The following LYZL1 variants were observed in gnomAD, a reference collection of about 807,000 sequenced individuals.
LYZL1 encodes lysozyme-like protein 1.
Under a neutral mutation model 17.9 loss-of-function variants are expected in LYZL1, and 16 were observed. The observed-to-expected ratio is 0.90, with a 90% CI of 0.61 to 1.36. The LOEUF is 1.36. Among genes scored for constraint, LYZL1 ranks in the 40% most tolerant of loss-of-function variants. The pLI, the probability that LYZL1 is intolerant of heterozygous loss-of-function variation, is 0.00. For synonymous variants in LYZL1, 58 were observed against 71.8 expected, an observed-to-expected ratio of 0.81 and a Z score of 0.97; for missense variants, 149 against 188.4, an observed-to-expected ratio of 0.79 and a Z score of 1.22.
downstream of LYZL1, among the ~76,000 whole-genome samples, chr10:29,311,849 G>A (rs1383233681): frequency 2.0e-5 from 3 of 151,938 alleles, no homozygotes; most frequent in South Asian, 2.1e-4. Context: ...GTGGTGGTGC[G>A]TGCCTGTAAT....
At chr10:29,293,360 T>C (rs1457347665) in intron 3 of LYZL1, among the ~76,000 whole-genome samples, 1 of 152,112 alleles carries the variant, frequency 6.6e-6, no homozygotes, top group African/African-American at 2.4e-5. Flanking sequence ...GGTCTTGAAC[T>C]CCTGGCCTAA....
At chr10:29,307,859 T>C (rs1017751658) in intron 3 of LYZL1, among the ~76,000 whole-genome samples, 1 of 152,104 alleles carries the variant, frequency 6.6e-6, no homozygotes, top group Non-Finnish European at 1.5e-5. Context: ...AATTATTAGG[T>C]GAAAGGATAA....
Position 29,311,078 on chromosome 10 carries a change from A to T in LYZL1, c.*19A>T. 6.2e-7 allele frequency: 1 copy of T among 1,614,212 alleles called. No homozygotes were observed. ...TTCCTAAACTGGAACTGGACCCAGG[A>T]TGCTTTGCAGCAACGCCCTAGGATT... On this transcript the variant is annotated 3_prime_UTR_variant, in exon 5 of 5. Coordinates refer to ENST00000649382, the MANE Select transcript of LYZL1 (RefSeq NM_032517.6).
intron 1 of LYZL1, 135 bp from the exon 2 acceptor site, chr10:29,291,708 C>T (rs2479064): frequency 0.14 from 143,250 of 1,003,720 alleles, 11,823 homozygotes; most frequent in African/African-American, 0.21. Flanking sequence ...GTAGAGTGGC[C>T]GGTTTTCCCT....
At chr10:29,316,689 T>G (rs949369729) in intron 3 of LYZL1, among the ~76,000 whole-genome samples, 1 of 150,612 alleles carries the variant, frequency 6.6e-6, no homozygotes, top group Non-Finnish European at 1.5e-5. Context: ...TTTTTTTTTC[T>G]TTTTCTTTTT....
chr10:29,295,096 G>A (rs1211979517), intron 3 of LYZL1, among the ~76,000 whole-genome samples: 2 of 152,184 alleles, frequency 1.3e-5, no homozygotes, highest in African/African-American at 4.8e-5. Flanking sequence ...ATGTTTGAAT[G>A]ACTGAATAAT....
At chr10:29,293,127 C>CTTTTTTTTTTTTT (rs778807136) in intron 3 of LYZL1, among the ~76,000 whole-genome samples, 33 of 104,190 alleles carry the variant, frequency 3.2e-4, no homozygotes, top group African/African-American at 7.0e-4. Flanking sequence ...CTTTTCTTTT[C>CTTTTTTTTTTTTT]TTTTTTCTTT....
At chr10:29,317,335 G>C (rs1005126140) in exon 4 of LYZL1, 4 of 152,186 alleles carry the variant, frequency 2.6e-5, no homozygotes, top group African/African-American at 7.2e-5. Context: ...GTTCTTCATG[G>C]AGGTCATCTT....
chr10:29,302,515 C>A (rs1206471917), intron 3 of LYZL1, among the ~76,000 whole-genome samples: 1 of 152,162 alleles, frequency 6.6e-6, no homozygotes, highest in Non-Finnish European at 1.5e-5. Context: ...CCTCTTCGTG[C>A]ATTTGCGCAG....
intron 3 of LYZL1, among the ~76,000 whole-genome samples, chr10:29,295,158 T>C (rs1835431350): frequency 2.0e-5 from 3 of 152,230 alleles, no homozygotes; most frequent in Admixed American, 2.0e-4. Flanking sequence ...TAAAGAATGA[T>C]CACTACCTCC....
rs1356230327 is a variant in LYZL1, at chr10:29,306,330, C to G, written c.299-3780C>G. On this transcript the variant is annotated intron_variant, in intron 3 of 4. Transcript: ENST00000649382. ...CTTTGGGAGGCCGAGGCGGGCGGAT[C>G]ACGAGGTCAGGAGATCGAGACCATC... Among the ~76,000 whole-genome samples the G allele has an allele frequency of 3.2e-4, 48 of 150,242 alleles. 1 individual carries two copies. Among genetic ancestry groups the G allele is most frequent in the African/African-American group, 1.1e-3 (47 of 40,920 alleles).
At chr10:29,306,267 T>TAAAGTTTTAATTATGTTTAATGTTGA (rs1564392916) in intron 3 of LYZL1, among the ~76,000 whole-genome samples, 1 of 151,340 alleles carries the variant, frequency 6.6e-6, no homozygotes, top group Non-Finnish European at 1.5e-5. Context: ...AATAAGGAAC[T>TAAAGTTTTAATTATGTTTAATGTTGA]TGGCCGGGCG....
intron 1 of LYZL1, 73 bp downstream of exon 1, chr10:29,289,303 G>C: frequency 8.9e-7 from 1 of 1,129,726 alleles, no homozygotes; most frequent in Non-Finnish European, 1.2e-6. Flanking sequence ...GATGCTTGGG[G>C]TTATCATTGC....
At chr10:29,307,791 G>A (rs1835615704) in intron 3 of LYZL1, among the ~76,000 whole-genome samples, 1 of 152,090 alleles carries the variant, frequency 6.6e-6, no homozygotes, top group Admixed American at 6.6e-5. Context: ...AAACCACTTT[G>A]TAAAGAAATA....
chr10:29,317,269 C>T (rs1835744027), intron 3 of LYZL1: 1 of 152,130 alleles, frequency 6.6e-6, no homozygotes, highest in Non-Finnish European at 1.5e-5. Flanking sequence ...GCAAAGAGCC[C>T]TTCCTCTTCT....
intron 3 of LYZL1, among the ~76,000 whole-genome samples, chr10:29,303,636 A>G (rs1835551395): frequency 6.6e-6 from 1 of 152,190 alleles, no homozygotes; most frequent in African/African-American, 2.4e-5. Flanking sequence ...GGTCAGAGGT[A>G]AAAGGACACT....
At chr10:29,312,629 G>T (rs933687264), downstream of LYZL1, among the ~76,000 whole-genome samples, 10 of 152,196 alleles carry the variant, frequency 6.6e-5, no homozygotes, top group Non-Finnish European at 1.3e-4. Flanking sequence ...TCTGATGGAA[G>T]TCTGGTGACA....
downstream of LYZL1, among the ~76,000 whole-genome samples, chr10:29,311,823 CA>C (rs1564394701): frequency 5.3e-5 from 8 of 151,816 alleles, no homozygotes; most frequent in Non-Finnish European, 5.9e-5. Context: ...ACTAAAAATA[CA>C]AAAATTAGCC....
In LYZL1 at chr10:29,292,691, T is replaced by C; in HGVS notation, c.298+14T>C. 1.9e-6 allele frequency: 3 copies of C among 1,607,050 alleles called. No individual in the cohort carries two copies. Among genetic ancestry groups the C allele is most frequent in the Non-Finnish European group, 2.6e-6 (3 of 1,176,062 alleles). On this transcript the variant is annotated intron_variant, in intron 3 of 4. Coordinates refer to ENST00000649382, the MANE Select transcript of LYZL1 (RefSeq NM_032517.6). Reference sequence around the variant, plus strand: ...TCGCCTGCTCAGGTGAGGCTCTGACTTTCCAGTGATGCCATCCTCAGGACT... The same window carrying C: ...TCGCCTGCTCAGGTGAGGCTCTGACCTTCCAGTGATGCCATCCTCAGGACT...
Sources: gnomAD v4.1 joint callset for allele counts (sites outside exome capture counted in the v4.1 genomes callset) on GRCh38, gnomAD v4.1.1 for gene constraint, MANE v1.5 for transcripts, NCBI Gene and HGNC (gene_info 2026-07-23, HGNC 2026-07-21) for gene names.